The following RREB1 variants were observed in gnomAD, a reference collection of about 807,000 sequenced individuals.
RREB1 encodes the protein ras responsive element binding protein 1.
A neutral mutation model predicts 117.8 loss-of-function variants in RREB1; 27 were observed. The observed-to-expected ratio is 0.23, with a 90% CI of 0.17 to 0.32. The LOEUF (loss-of-function observed/expected upper bound fraction) is 0.32. RREB1 is among the 10% of genes least tolerant of loss of function. The probability of loss-of-function intolerance (pLI) is 1.00; values close to 1 mark genes in which losing one functional copy is unlikely to be tolerated. For synonymous variants in RREB1, 1,298 were observed against 1,026.7 expected (o/e 1.26, Z -5.05); for missense variants, 2,577 against 2,378.2 (o/e 1.08, Z -1.74).
Position 7,181,901 on chromosome 6 carries a change from C to T in RREB1, c.-11C>T, listed in dbSNP as rs751720537. The T allele has an allele frequency of 3.1e-6, 5 of 1,614,082 alleles. No homozygotes were observed. The South Asian group carries it at 4.4e-5, about 14-fold the overall frequency. On this transcript the variant is annotated 5_prime_UTR_variant, in exon 4 of 13. Transcript: ENST00000379938. ...AGCAGAGGCTTCTTAGAAGCTTAAA[C>T]CCCTGTCCCAATGACGTCAAGTTCG...
intron 6 of RREB1, among the ~76,000 whole-genome samples, chr6:7,200,279 T>A (rs887679829): frequency 8.5e-6 from 1 of 116,988 alleles, no homozygotes; most frequent in Non-Finnish European, 1.6e-5. Flanking sequence ...TGTGTGTGTG[T>A]GTATTTTTTT....
At position 7,156,820 on chromosome 6, in the gene RREB1, AG is replaced by A. The variant is rs1763385801; in HGVS notation, c.-284-19833del. On this transcript the variant is annotated intron_variant, in intron 1 of 12. Coordinates refer to ENST00000379938, the MANE Select transcript of RREB1 (RefSeq NM_001003699.4). ...TAGCCAGCCATCCAGCGTAGGAAAC[AG>A]GATGCTGTGTACGTACCCTGAGTAG... Among the ~76,000 whole-genome samples, 3 of 152,190 alleles carry A rather than the reference AG, an allele frequency of 2.0e-5. No homozygotes were observed. The South Asian group carries it at 6.2e-4, about 32-fold the overall frequency.
Position 7,229,078 on chromosome 6 carries a change from A to G in RREB1, c.979A>G (p.Met327Val), listed in dbSNP as rs774340195. 8.2e-5 allele frequency: 130 copies of G among 1,588,922 alleles called. No homozygotes were observed. Among genetic ancestry groups the G allele is most frequent in the Non-Finnish European group, 1.1e-4 (125 of 1,162,934 alleles). The change falls in exon 10 of 13, where the codon ATG becomes GTG. Residue 327 changes from methionine to valine, a missense_variant. Physicochemically the swap from Met to Val is conservative, Grantham distance 21. Coordinates refer to ENST00000379938, the MANE Select transcript of RREB1 (RefSeq NM_001003699.4). The surrounding 1 kb of genome is among the most constrained non-coding windows in gnomAD (Gnocchi z 4.5). ...CGACACCTGTGACAAGGCGTTCCCC[A>G]TGCTCTGCTCACTGGCTCTGCACAA... ...VCDTCDKAFP[M>V]LCSLALHKQT...
chr6:7,184,158 G>A (rs865942496), intron 4 of RREB1, among the ~76,000 whole-genome samples: 1 of 151,716 alleles, frequency 6.6e-6, no homozygotes, highest in Middle Eastern at 3.2e-3. Flanking sequence ...AGGCCAGCCC[G>A]GGCAATATTA....
chr6:7,231,973 G>A, intron 10 of RREB1, 66 bp downstream of exon 10: 1 of 1,460,604 alleles, frequency 6.8e-7, no homozygotes, highest in Non-Finnish European at 9.2e-7. Context: ...CACGAGTGGG[G>A]GTCAAAAGCG....
intron 8 of RREB1, among the ~76,000 whole-genome samples, chr6:7,221,308 A>G (rs1049320822): frequency 2.6e-5 from 4 of 151,808 alleles, no homozygotes; most frequent in African/African-American, 4.8e-5. Flanking sequence ...AGCTGGGACT[A>G]CAGGCGCCCG....
At chr6:7,160,668 C>G (rs1178393639) in intron 1 of RREB1, among the ~76,000 whole-genome samples, 1 of 151,944 alleles carries the variant, frequency 6.6e-6, no homozygotes, top group African/African-American at 2.4e-5. Context: ...CAACACCACA[C>G]CTGGATAACT....
intron 1 of RREB1, among the ~76,000 whole-genome samples, chr6:7,170,955 CGG>C (rs1424603504): frequency 6.6e-6 from 1 of 152,084 alleles, no homozygotes; most frequent in Non-Finnish European, 1.5e-5. Flanking sequence ...GTTTCTGACT[CGG>C]TAGGTCTGGG....
At chr6:7,232,000 G>T in intron 10 of RREB1, 93 bp downstream of exon 10, 1 of 1,299,502 alleles carries the variant, frequency 7.7e-7, no homozygotes, top group Non-Finnish European at 1.1e-6. Flanking sequence ...ATCTCCCACA[G>T]TTCCAGTTAT....
intron 3 of RREB1, chr6:7,181,485 T>C (rs1764790164): frequency 4.6e-6 from 2 of 432,884 alleles, no homozygotes; most frequent in South Asian, 7.7e-5. Context: ...GTCTGGAACA[T>C]TTGTGTAGTA....
intron 6 of RREB1, among the ~76,000 whole-genome samples, chr6:7,191,893 C>T (rs374213133): frequency 6.6e-6 from 1 of 152,044 alleles, no homozygotes; most frequent in East Asian, 1.9e-4. Flanking sequence ...GCCTACTTGC[C>T]CTGGCTAGAA....
Position 7,251,065 on chromosome 6 carries a change from A to T in RREB1, c.*2097A>T, listed in dbSNP as rs1022150682. On this transcript the variant is annotated 3_prime_UTR_variant, in exon 13 of 13. Coordinates refer to ENST00000379938, the MANE Select transcript of RREB1 (RefSeq NM_001003699.4). The stretch of plus-strand genomic sequence containing the variant: ...TTTTTTCTTTGCGACTCTCCACACT[A>T]AACTTGCAATATTGTGGGGAGAAGC... The T allele has an allele frequency of 1.3e-4, 20 of 152,184 alleles. No individual in the cohort carries two copies. Among genetic ancestry groups the T allele is most frequent in the African/African-American group, 4.8e-4 (20 of 41,506 alleles). The allele number at this position is 152,184 out of a possible 1,614,324, so 9.4% of individuals were successfully genotyped here.
intron 1 of RREB1, among the ~76,000 whole-genome samples, chr6:7,158,247 G>T (rs928565187): frequency 3.3e-5 from 5 of 152,002 alleles, no homozygotes; most frequent in African/African-American, 7.3e-5. Flanking sequence ...CCTTTCCATT[G>T]TCTACCCCAC....
At chr6:7,145,525 A>T (rs1260299617) in intron 1 of RREB1, among the ~76,000 whole-genome samples, 3 of 152,132 alleles carry the variant, frequency 2.0e-5, no homozygotes, top group Non-Finnish European at 4.4e-5. Context: ...CCTAATGTCA[A>T]CCGAAGAAGA....
At position 7,231,488 on chromosome 6, in the gene RREB1, C is replaced by T. The variant is rs1368221802; in HGVS notation, c.3389C>T (p.Pro1130Leu). Residue 1130 changes from proline to leucine, a missense_variant, in exon 10 of 13, where the codon CCC becomes CTC. Physicochemically the swap from Pro to Leu is moderately conservative, Grantham distance 98 (BLOSUM62 -3). Transcript: ENST00000379938. ...TTSPKESSEP[P>L]APASSPEAAS... ...AGCCCAAAAGAGTCTAGTGAGCCTC[C>T]CGCTCCAGCCAGCAGCCCAGAGGCT... 6.2e-7 allele frequency: 1 copy of T among 1,611,538 alleles called. No homozygotes were observed.
At chr6:7,142,993 T>C (rs1473546326) in intron 1 of RREB1, among the ~76,000 whole-genome samples, 1 of 152,212 alleles carries the variant, frequency 6.6e-6, no homozygotes, top group Admixed American at 6.5e-5. Context: ...CTAATAAAGC[T>C]TTCAAAACTG....
At chr6:7,192,969 T>C (rs1182512176) in intron 6 of RREB1, among the ~76,000 whole-genome samples, 2 of 152,178 alleles carry the variant, frequency 1.3e-5, no homozygotes, top group African/African-American at 2.4e-5. Flanking sequence ...CCATAAGTTT[T>C]TGTATGTTGT....
chr6:7,205,963 TC>T (rs1554124218), intron 6 of RREB1, among the ~76,000 whole-genome samples: 1 of 152,194 alleles, frequency 6.6e-6, no homozygotes, highest in Non-Finnish European at 1.5e-5. Flanking sequence ...TTAAAAAACA[TC>T]TGCTATATTT....
intron 1 of RREB1, among the ~76,000 whole-genome samples, chr6:7,172,710 T>A (rs1764281662): frequency 6.6e-6 from 1 of 151,722 alleles, no homozygotes; most frequent in African/African-American, 2.4e-5. Flanking sequence ...GGGGGTGACT[T>A]TCTTGGGTTG....
Sources: allele counts gnomAD v4.1 joint callset (sites outside exome capture counted in the v4.1 genomes callset), GRCh38; gene constraint gnomAD v4.1.1; non-coding constraint Gnocchi (gnomAD v3.1); transcripts MANE v1.5; gene names NCBI Gene and HGNC (gene_info 2026-07-23, HGNC 2026-07-21).